Variants in VPS13A observed in about 807,000 individuals in gnomAD.
VPS13A encodes vacuolar protein sorting 13 homolog A.
VPS13A carries 264 observed loss-of-function variants against 390.9 expected under a neutral mutation model. The ratio of observed to expected loss-of-function variants is 0.68; its 90% CI spans 0.61 to 0.75. VPS13A has a LOEUF of 0.75. VPS13A is among the 30% of genes least tolerant of loss of function. The pLI, the probability that VPS13A is intolerant of heterozygous loss-of-function variation, is 0.00. For synonymous variants in VPS13A, 1,231 were observed against 1,227.1 expected (o/e 1.00, Z -0.07); for missense variants, 3,409 against 3,733.9 (o/e 0.91, Z 2.27).
intron 39 of VPS13A, among the ~76,000 whole-genome samples, chr9:77,316,989 C>A (rs1257501886): frequency 1.3e-5 from 2 of 151,964 alleles, no homozygotes; most frequent in African/African-American, 2.4e-5. Flanking sequence ...CGAATACTTA[C>A]AAAAATATTT....
intron 52 of VPS13A, among the ~76,000 whole-genome samples, chr9:77,348,451 C>A (rs948864345): frequency 1.2e-4 from 19 of 152,094 alleles, no homozygotes; most frequent in African/African-American, 4.6e-4. Context: ...ACAACGCACA[C>A]TGGGGCCTGT....
At chr9:77,229,550 C>G (rs978333091) in intron 17 of VPS13A, among the ~76,000 whole-genome samples, 2 of 152,278 alleles carry the variant, frequency 1.3e-5, no homozygotes, top group Middle Eastern at 3.4e-3. Context: ...TTCTGTTTGG[C>G]ATTTTTCACT....
At chr9:77,283,294 A>G in intron 29 of VPS13A, 61 bp from the exon 30 acceptor site, 1 of 940,116 alleles carries the variant, frequency 1.1e-6, no homozygotes, top group Non-Finnish European at 1.7e-6. Context: ...CTTTATAAGT[A>G]TAGTGAGGTA....
At chr9:77,386,735 T>G (rs1217708994) in intron 68 of VPS13A, among the ~76,000 whole-genome samples, 2 of 149,102 alleles carry the variant, frequency 1.3e-5, no homozygotes, top group Non-Finnish European at 3.0e-5. Flanking sequence ...TGAGATGGAG[T>G]CTCGTTCTGT....
intron 31 of VPS13A, among the ~76,000 whole-genome samples, chr9:77,292,238 A>T (rs1827714232): frequency 6.6e-6 from 1 of 152,110 alleles, no homozygotes; most frequent in African/African-American, 2.4e-5. Flanking sequence ...GGGATTCTGC[A>T]TCTCACATTA....
At chr9:77,220,208 A>G in intron 11 of VPS13A, 69 bp from the exon 12 acceptor site, 1 of 1,514,074 alleles carries the variant, frequency 6.6e-7, no homozygotes, top group Admixed American at 1.8e-5. Flanking sequence ...TCAGTAATGT[A>G]ACTTTTATCT....
chr9:77,375,149 C>T (rs978952394), intron 67 of VPS13A, among the ~76,000 whole-genome samples: 3 of 152,126 alleles, frequency 2.0e-5, no homozygotes, highest in African/African-American at 7.2e-5. Flanking sequence ...CTTTCAAAAG[C>T]TGCTAGAATT....
At position 77,314,475 on chromosome 9, in the gene VPS13A, G is replaced by A. The variant is rs1435827780; in HGVS notation, c.4243-20G>A. The A allele has an allele frequency of 1.1e-5, 18 of 1,608,032 alleles. No individual in the cohort carries two copies. Among genetic ancestry groups the A allele is most frequent in the Non-Finnish European group, 1.4e-5 (17 of 1,177,010 alleles). On this transcript the variant is annotated intron_variant, in intron 36 of 71. Transcript: ENST00000360280. ...GACTTGTGTTTCTTTGTAATTTTGT[G>A]TTGGTTTCTCCTTTCATAGGCTTCC...
intron 35 of VPS13A, among the ~76,000 whole-genome samples, chr9:77,311,499 A>G (rs200288191): frequency 6.6e-6 from 1 of 152,128 alleles, no homozygotes; most frequent in East Asian, 1.9e-4. Context: ...TTTTTTAAAT[A>G]ATGATAAAAG....
At chr9:77,399,189 AAAAAAAAAAAAAAAAAC>A (rs1834260532) in intron 68 of VPS13A, among the ~76,000 whole-genome samples, 2 of 136,316 alleles carry the variant, frequency 1.5e-5, no homozygotes, top group Non-Finnish European at 3.2e-5. Context: ...AATAAAAAAA[AAAAAAAAAAAAAAAAAC>A]AAAGGATACG....
intron 63 of VPS13A, among the ~76,000 whole-genome samples, chr9:77,369,842 G>C (rs1242244379): frequency 2.0e-5 from 3 of 152,046 alleles, no homozygotes; most frequent in Non-Finnish European, 4.4e-5. Flanking sequence ...AATGTATAGG[G>C]AAATAAAAAA....
At chr9:77,190,235 A>G (rs1185933110) in intron 1 of VPS13A, among the ~76,000 whole-genome samples, 1 of 152,184 alleles carries the variant, frequency 6.6e-6, no homozygotes, top group African/African-American at 2.4e-5. Context: ...TGGGTTTTTC[A>G]TAGATGGCTC....
intron 52 of VPS13A, 43 bp downstream of exon 52, chr9:77,345,185 T>C: frequency 1.2e-5 from 19 of 1,600,286 alleles, no homozygotes; most frequent in Non-Finnish European, 1.6e-5. Context: ...GGTGTAAGTC[T>C]AGATGATGAG....
chr9:77,269,136 G>T (rs1826211742), intron 23 of VPS13A, among the ~76,000 whole-genome samples: 1 of 151,902 alleles, frequency 6.6e-6, no homozygotes, highest in East Asian at 1.9e-4. Flanking sequence ...TCACATCTCT[G>T]CAATTTTTGC....
chr9:77,213,206 T>G lies in VPS13A; in HGVS notation c.616-28T>G, dbSNP rs573841519. 5.6e-6 allele frequency: 9 copies of G among 1,601,222 alleles called. No homozygotes were observed. The East Asian group carries it at 1.8e-4, about 32-fold the overall frequency. On this transcript the variant is annotated intron_variant, in intron 8 of 71. Coordinates refer to ENST00000360280, the MANE Select transcript of VPS13A (RefSeq NM_033305.3). ...TATGATAAAAATTCTTCAAAGAAAA[T>G]GAGACATCTAATAAATTTTATTTTC...
intron 67 of VPS13A, among the ~76,000 whole-genome samples, chr9:77,372,636 G>A (rs1220320285): frequency 1.3e-5 from 2 of 152,020 alleles, no homozygotes; most frequent in African/African-American, 2.4e-5. Flanking sequence ...TCTGGCCAGG[G>A]CAATTAGGCA....
chr9:77,337,654 GA>G (rs1830607834), intron 47 of VPS13A, 117 bp downstream of exon 47: 2 of 1,007,226 alleles, frequency 2.0e-6, no homozygotes, highest in Middle Eastern at 3.1e-4. Context: ...TACTAGTAAA[GA>G]ATAGGTAATG....
At chr9:77,254,092 C>T (rs751531695) in intron 22 of VPS13A, among the ~76,000 whole-genome samples, 27 of 151,400 alleles carry the variant, frequency 1.8e-4, no homozygotes, top group South Asian at 6.3e-4. Context: ...TACAGGCGCC[C>T]GCCACCACGC....
At chr9:77,273,889 G>A (rs1487010896) in intron 24 of VPS13A, among the ~76,000 whole-genome samples, 2 of 152,056 alleles carry the variant, frequency 1.3e-5, no homozygotes, top group Non-Finnish European at 2.9e-5. Flanking sequence ...GGAAACTTAG[G>A]ATCTGTCTTC....
Sources: allele counts gnomAD v4.1 joint callset (sites outside exome capture counted in the v4.1 genomes callset), GRCh38; gene constraint gnomAD v4.1.1; transcripts MANE v1.5; gene names NCBI Gene and HGNC (gene_info 2026-07-23, HGNC 2026-07-21).